Variants in ATG2B observed in about 807,000 individuals in gnomAD.
The protein encoded by ATG2B is autophagy-related protein 2 homolog B.
A neutral mutation model predicts 241.3 loss-of-function variants in ATG2B; 121 were observed. The ratio of observed to expected loss-of-function variants is 0.50; its 90% CI spans 0.43 to 0.58. ATG2B has a LOEUF of 0.58. Among genes scored for constraint, ATG2B ranks in the 20% least tolerant of loss-of-function variants. The pLI, the probability that ATG2B is intolerant of heterozygous loss-of-function variation, is 0.00. For missense variants in ATG2B, 2,306 were observed against 2,491.6 expected (o/e 0.93, Z 1.59); for synonymous variants, 858 against 876.6 (o/e 0.98, Z 0.37).
intron 13 of ATG2B, 29 bp downstream of exon 13, chr14:96,328,645 G>C: frequency 6.4e-7 from 1 of 1,569,322 alleles, no homozygotes; most frequent in Non-Finnish European, 8.7e-7. Context: ...AAAATTTACA[G>C]GTGGCAATTA....
rs142972381 is a variant in ATG2B, at chr14:96,329,818, C to G, written c.1731-184G>C. 1.1e-4 allele frequency among the ~76,000 whole-genome samples: 17 copies of G among 152,284 alleles called. No individual in the cohort carries two copies. In the East Asian group the frequency reaches 3.1e-3, roughly 28 times the overall value. On this transcript the variant is annotated intron_variant, in intron 11 of 41. Coordinates refer to ENST00000359933, the MANE Select transcript of ATG2B (RefSeq NM_018036.7). The stretch of plus-strand genomic sequence containing the variant: ...CTGTTGATGGGAAATTTTCCAGGAT[C>G]TGTTTATTTCCCAACACTGCCCTTC...
chr14:96,296,491 G>A (rs1886643774), intron 34 of ATG2B, among the ~76,000 whole-genome samples: 1 of 152,112 alleles, frequency 6.6e-6, no homozygotes, highest in Admixed American at 6.5e-5. Flanking sequence ...GCCGGGTGCA[G>A]TGGCTCACAT....
At chr14:96,361,202 T>C (rs747139497) in intron 1 of ATG2B, among the ~76,000 whole-genome samples, 3 of 152,138 alleles carry the variant, frequency 2.0e-5, no homozygotes, top group Non-Finnish European at 2.9e-5. Context: ...AACTATAAAA[T>C]TCAAATATCA....
intron 18 of ATG2B, among the ~76,000 whole-genome samples, chr14:96,320,821 C>T (rs904240111): frequency 1.3e-5 from 2 of 152,016 alleles, no homozygotes; most frequent in African/African-American, 4.8e-5. Flanking sequence ...CAGCTCTTTG[C>T]GGACACCCCT....
chr14:96,328,512 TG>T lies in ATG2B; in HGVS notation c.1997del (p.Ser666Ter), dbSNP rs1887644592. 1 of 1,608,330 alleles carries T rather than the reference TG, an allele frequency of 6.2e-7. No homozygotes were observed. The highest frequency in any genetic ancestry group is 1.7e-5 in the Admixed American group (1 of 58,632). ...GPQGNQARLSSVPHKAELQIK... is the reference protein window; with the variant it reads ...GPQGNQARLSXVPHKAELQIK... ...TTTGCAATTCTGCCTTGTGAGGAAC[TG>T]AACTAAGTCTTGCTTGATTACCCTT... On this transcript the variant is annotated frameshift_variant, in exon 14 of 42. Coordinates refer to ENST00000359933, the MANE Select transcript of ATG2B (RefSeq NM_018036.7). LOFTEE classifies it high-confidence loss of function.
At chr14:96,314,358 AC>A (rs1323880718) in intron 23 of ATG2B, among the ~76,000 whole-genome samples, 7 of 152,260 alleles carry the variant, frequency 4.6e-5, no homozygotes, top group Non-Finnish European at 4.4e-5. Context: ...CTGAAAAATA[AC>A]CAATTGTATT....
intron 35 of ATG2B, 146 bp from the exon 36 acceptor site, chr14:96,295,313 A>C: frequency 1.0e-6 from 1 of 955,254 alleles, no homozygotes; most frequent in Non-Finnish European, 1.5e-6. Flanking sequence ...TTCACCTTTT[A>C]AATTATTACT....
chr14:96,340,209 TTGTG>T (rs199502512), intron 6 of ATG2B, among the ~76,000 whole-genome samples: 227 of 90,372 alleles, frequency 2.5e-3, no homozygotes, highest in Admixed American at 8.3e-3. Flanking sequence ...ACACACATCT[TTGTG>T]TGTGTGTGTG....
In ATG2B at chr14:96,283,750, T is replaced by C. The variant is rs529021886; in HGVS notation, c.*2005A>G. The C allele has an allele frequency of 2.6e-5, 4 of 152,356 alleles. No individual in the cohort carries two copies. The highest frequency in any genetic ancestry group is 2.1e-4 in the South Asian group (1 of 4,832). The allele number at this position is 152,356 out of a possible 1,614,324, so 9.4% of individuals were successfully genotyped here. A position where few individuals can be genotyped will look rare whatever the true frequency, so the allele number is the denominator to read the frequency against. ...AAGTGTTCCGATATAGATAAACATC[T>C]TTCCAGAATCTCAGGTAAAGAACAT... On this transcript the variant is annotated 3_prime_UTR_variant, in exon 42 of 42. Transcript: ENST00000359933.
rs1453959883 is a variant in ATG2B at position 96,332,558 on chromosome 14, T to C, written c.1305A>G (p.Leu435=). Residue 435 remains leucine (L), a synonymous_variant, in exon 9 of 42, where the codon TTA becomes TTG. Transcript: ENST00000359933. The part of the protein sequence containing the change: ...LGDPPNMDLE[L]SLTSTYTNTP... ...TATTTGTATATGTACTAGTTAATGA[T>C]AACTCAAGGTCCATGTTTGGGGGGT... 4 of 1,611,556 alleles carry C rather than the reference T, an allele frequency of 2.5e-6. No homozygotes were observed. The highest frequency in any genetic ancestry group is 3.4e-6 in the Non-Finnish European group (4 of 1,179,034).
Position 96,333,817 on chromosome 14 carries a change from G to C in ATG2B, c.1078C>G (p.Gln360Glu), listed in dbSNP as rs550303985. Reference protein sequence around the residue: ...NKDRKNRPMQQEDEYRIQMEL... With the variant: ...NKDRKNRPMQEEDEYRIQMEL... ...ATCTGAATTCGATACTCGTCTTCCT[G>C]CTGCATGGGTCGATTTTTCCTATCT... The change falls in exon 8 of 42, where the codon CAG (glutamine) becomes GAG (glutamate). Residue 360 changes from glutamine (Q) to glutamate (E), a missense_variant. This residue lies in a region of ATG2B where 1,927 missense variants were observed against 2,011.2 expected (regional missense o/e 0.96). Transcript: ENST00000359933. The C allele has an allele frequency of 2.5e-6, 4 of 1,613,788 alleles. No individual in the cohort carries two copies. The highest frequency in any genetic ancestry group is 3.4e-6 in the Non-Finnish European group (4 of 1,179,864).
At chr14:96,358,669 T>C (rs1031328326) in intron 1 of ATG2B, among the ~76,000 whole-genome samples, 2 of 152,112 alleles carry the variant, frequency 1.3e-5, no homozygotes, top group Non-Finnish European at 2.9e-5. Flanking sequence ...TACTATAGTA[T>C]ATGAGTAGTA....
In ATG2B at chr14:96,322,215, G is replaced by A; in HGVS notation, c.2776C>T (p.Gln926Ter). The change falls in exon 18 of 42, where the codon CAG becomes TAG. Residue 926 changes from glutamine (Q) to a stop codon, truncating the protein, a stop_gained. Transcript: ENST00000359933. LOFTEE classifies it high-confidence loss of function. The stretch of plus-strand genomic sequence containing the variant: ...TGAGAATTGCTGATTGCTTTATCCT[G>A]AAATTCTGTCATTTCTACAGGGTCT... ...PGDPVEMTEFQDKAISNSHYV... is the reference protein window; with the variant it reads ...PGDPVEMTEF 6.3e-7 allele frequency: 1 copy of A among 1,596,120 alleles called. No homozygotes were observed. The highest frequency in any genetic ancestry group is 8.5e-7 in the Non-Finnish European group (1 of 1,174,812).
Position 96,306,609 on chromosome 14 carries a change from GAACTATAAAGAATTTACAAAA to G in ATG2B, c.4506+84_4506+104del, listed in dbSNP as rs1886956282. The G allele has an allele frequency of 1.2e-5, 11 of 939,026 alleles. No homozygotes were observed. The South Asian group carries it at 2.0e-4, about 17-fold the overall frequency. 58.2% of individuals were successfully genotyped at this position (939,026 alleles called of 1,614,324 possible). A position where few individuals can be genotyped will look rare whatever the true frequency, so the allele number is the denominator to read the frequency against. ...ATATTAAAAAAAAAAAAGTAACTCTGAACTATAAAGAATTTACAAAATCAACAGAATTTTCTCCAGGTACCC... is the reference window on the plus strand; with the variant it reads ...ATATTAAAAAAAAAAAAGTAACTCTGTCAACAGAATTTTCTCCAGGTACCC... On this transcript the variant is annotated intron_variant, in intron 30 of 41. Transcript: ENST00000359933.
intron 6 of ATG2B, among the ~76,000 whole-genome samples, chr14:96,337,253 C>A (rs1374196596): frequency 6.6e-6 from 1 of 152,104 alleles, no homozygotes; most frequent in African/African-American, 2.4e-5. Context: ...ATGAATAAAT[C>A]CGGGTATCTT....
At chr14:96,350,085 G>A (rs142522961) in intron 1 of ATG2B, among the ~76,000 whole-genome samples, 2 of 152,160 alleles carry the variant, frequency 1.3e-5, no homozygotes. Context: ...AAGCCCGGGA[G>A]GCAGAGGTTA....
At chr14:96,311,517 A>T (rs767982385) in intron 27 of ATG2B, 25 bp downstream of exon 27, 1 of 1,548,950 alleles carries the variant, frequency 6.5e-7, no homozygotes, top group African/African-American at 1.4e-5. Flanking sequence ...AGAACTTAAA[A>T]TTTTCATTTA....
chr14:96,329,312 T>C (rs368504006), intron 12 of ATG2B, among the ~76,000 whole-genome samples, 172 bp downstream of exon 12: 5 of 152,192 alleles, frequency 3.3e-5, no homozygotes, highest in East Asian at 1.9e-4. Context: ...TATAACGATG[T>C]TGAGTGACAT....
chr14:96,295,216 G>T, intron 35 of ATG2B, 49 bp from the exon 36 acceptor site: 2 of 1,460,894 alleles, frequency 1.4e-6, no homozygotes, highest in Non-Finnish European at 1.9e-6. Flanking sequence ...CTTCTTCTTA[G>T]CAAACATTTA....
Sources: gnomAD v4.1 joint callset for allele counts (sites outside exome capture counted in the v4.1 genomes callset) on GRCh38, gnomAD v4.1.1 for gene constraint, gnomAD v4.1.1 regional missense constraint, MANE v1.5 for transcripts, NCBI Gene and HGNC (gene_info 2026-07-23, HGNC 2026-07-21) for gene names.